The following RASIP1 variants were observed in gnomAD, a reference collection of about 807,000 sequenced individuals.
The protein encoded by RASIP1 is Ras interacting protein 1.
RASIP1 carries 20 observed loss-of-function variants against 85.3 expected under a neutral mutation model. That is an observed-to-expected ratio of 0.23 (90% CI 0.17 to 0.34). The LOEUF (loss-of-function observed/expected upper bound fraction) is 0.34, where lower values mean the gene tolerates loss of function less well. Ranked by LOEUF, RASIP1 falls within the 10% of genes least tolerant of loss-of-function variation. RASIP1 has a pLI of 1.00. For missense variants in RASIP1, 1,170 were observed against 1,390.9 expected (o/e 0.84, Z 2.53); for synonymous variants, 617 against 647.1 (o/e 0.95, Z 0.71).
intron 3 of RASIP1, 151 bp from the exon 4 acceptor site, chr19:48,735,702 G>C (rs371156578): frequency 1.4e-6 from 1 of 735,548 alleles, no homozygotes; most frequent in Non-Finnish European, 2.2e-6. Flanking sequence ...TTCCCTGTGC[G>C]TGGAACACCT....
At chr19:48,737,676 T>G (rs1313810737) in intron 3 of RASIP1, 1 of 985,190 alleles carries the variant, frequency 1.0e-6, no homozygotes, top group African/African-American at 1.7e-5. Context: ...ACATAGGCCC[T>G]GCTCAGTAGC....
intron 11 of RASIP1, among the ~76,000 whole-genome samples, chr19:48,721,475 G>A (rs1456384597): frequency 1.3e-5 from 2 of 152,084 alleles, no homozygotes; most frequent in African/African-American, 2.4e-5. Flanking sequence ...AGAATCTGGG[G>A]TTAGAAGGAG....
In RASIP1 at chr19:48,740,106, A is replaced by C; in HGVS notation, c.137+40T>G. On this transcript the variant is annotated intron_variant, in intron 2 of 11. Transcript: ENST00000222145. The surrounding 1 kb of genome is among the most constrained non-coding windows in gnomAD (Gnocchi z 5.5). ...CAGTGAACAGGGACAGATGGGAAGC[A>C]GGTGTGCAGGGGCAGGAGTCCTGCA... is the stretch of plus-strand genomic sequence containing the variant. The C allele has an allele frequency of 6.6e-7, 1 of 1,522,286 alleles. No individual in the cohort carries two copies. Among genetic ancestry groups the C allele is most frequent in the Admixed American group, 2.3e-5 (1 of 44,404 alleles). The allele number at this position is 1,522,286 out of a possible 1,614,324, so 94.3% of individuals were successfully genotyped here. A position where few individuals can be genotyped will look rare whatever the true frequency, so the allele number is the denominator to read the frequency against.
rs149474093 is a variant in RASIP1, at chr19:48,735,341, T to C, written c.1034A>G (p.Gln345Arg). Residue 345 changes from glutamine (Q) to arginine (R), a missense_variant, in exon 4 of 12, where the codon CAG (glutamine) becomes CGG (arginine). Gln to Arg is a conservative substitution (Grantham distance 43). Around this residue, in one of 4 missense-constraint regions of RASIP1, gnomAD observed 301 missense variants for 294.8 expected, o/e 1.02. Coordinates refer to ENST00000222145, the MANE Select transcript of RASIP1 (RefSeq NM_017805.3). The part of the protein sequence containing the change: ...RRRRQQERRQ[Q>R]ALSMAPGAAD... Reference sequence around the variant, plus strand: ...TGCCCCTGGGGCCATGCTAAGTGCCTGCTGTCTCCGCTCCTGCTGCCGCCG... The same window carrying C: ...TGCCCCTGGGGCCATGCTAAGTGCCCGCTGTCTCCGCTCCTGCTGCCGCCG... 5.8e-5 allele frequency: 94 copies of C among 1,613,386 alleles called. No homozygotes were observed. The highest frequency in any genetic ancestry group is 7.6e-5 in the Non-Finnish European group (90 of 1,179,898).
Position 48,724,953 on chromosome 19 carries a change from TAG to T in RASIP1, c.2133_2134del (p.Tyr712PhefsTer9). On this transcript the variant is annotated frameshift_variant, in exon 9 of 12. Coordinates refer to ENST00000222145, the MANE Select transcript of RASIP1 (RefSeq NM_017805.3). LOFTEE classifies it high-confidence loss of function. This position sits in a 1 kb window ranked among gnomAD's most constrained non-coding sequence, Gnocchi z 4.6. ...ATCCAGGAGAGCAGGCAGCGTTGAATAGAGAGTCTGAGAAAATAGAGAAGTGG... is the reference window on the plus strand; with the variant it reads ...ATCCAGGAGAGCAGGCAGCGTTGAATAGAGTCTGAGAAAATAGAGAAGTGG... 1 of 1,610,770 alleles carries T rather than the reference TAG, an allele frequency of 6.2e-7. No homozygotes were observed.
At position 48,724,947 on chromosome 19, in the gene RASIP1, G is replaced by A. The variant is rs754613166; in HGVS notation, c.2141C>T (p.Thr714Met). 5.6e-6 allele frequency: 9 copies of A among 1,611,638 alleles called. No individual in the cohort carries two copies. Among genetic ancestry groups the A allele is most frequent in the East Asian group, 2.2e-5 (1 of 44,820 alleles). Reference sequence around the variant, plus strand: ...GTTACTATCCAGGAGAGCAGGCAGCGTTGAATAGAGAGTCTGAGAAAATAG... The same window carrying A: ...GTTACTATCCAGGAGAGCAGGCAGCATTGAATAGAGAGTCTGAGAAAATAG... ...VYYLTKTLYS[T>M]LPALLDSNPF... The change falls in exon 9 of 12, where the codon ACG (threonine) becomes ATG (methionine). Residue 714 changes from threonine (T) to methionine (M), a missense_variant. Coordinates refer to ENST00000222145, the MANE Select transcript of RASIP1 (RefSeq NM_017805.3). The surrounding 1 kb of genome is among the most constrained non-coding windows in gnomAD (Gnocchi z 4.6).
chr19:48,738,882 G>T lies in RASIP1; in HGVS notation c.823+78C>A. On this transcript the variant is annotated intron_variant, in intron 3 of 11. Coordinates refer to ENST00000222145, the MANE Select transcript of RASIP1 (RefSeq NM_017805.3). The surrounding 1 kb of genome is among the most constrained non-coding windows in gnomAD (Gnocchi z 4.0). Reference sequence around the variant, plus strand: ...CCCAGCCAGCCCGCGAGTCCCACAAGCCCCGCCCAGGCCCCGCCCCACGGA... The same window carrying T: ...CCCAGCCAGCCCGCGAGTCCCACAATCCCCGCCCAGGCCCCGCCCCACGGA... 23 of 897,164 alleles carry T rather than the reference G, an allele frequency of 2.6e-5. No individual in the cohort carries two copies. Among genetic ancestry groups the T allele is most frequent in the South Asian group, 5.4e-5 (1 of 18,650 alleles). The allele number at this position is 897,164 out of a possible 1,614,324, so 55.6% of individuals were successfully genotyped here.
rs1237474085 is a variant in RASIP1 at position 48,738,981 on chromosome 19, A to G, written c.802T>C (p.Phe268Leu). Reference sequence around the variant, plus strand: ...TCACCTTCGCTGTCCGCGGCCCCGAAGGCCTCCTGCTCCAGGCGCCGCGCC... The same window carrying G: ...TCACCTTCGCTGTCCGCGGCCCCGAGGGCCTCCTGCTCCAGGCGCCGCGCC... ...EEARRLEQEAFGAADSEGTGA... is the reference protein window; with the variant it reads ...EEARRLEQEALGAADSEGTGA... The change falls in exon 3 of 12, where the codon TTC becomes CTC. Residue 268 changes from phenylalanine to leucine, a missense_variant. Transcript: ENST00000222145. This position sits in a 1 kb window ranked among gnomAD's most constrained non-coding sequence, Gnocchi z 4.0. 2.4e-6 allele frequency: 3 copies of G among 1,228,314 alleles called. No homozygotes were observed. In the African/African-American group the frequency reaches 4.8e-5, roughly 20 times the overall value. The allele number at this position is 1,228,314 out of a possible 1,614,324, so 76.1% of individuals were successfully genotyped here. A position where few individuals can be genotyped will look rare whatever the true frequency, so the allele number is the denominator to read the frequency against.
In RASIP1 at chr19:48,724,294, G is replaced by A; in HGVS notation, c.2544+43C>T. ...ATAGAAGGTGGCTGAGGGGGGTTGA[G>A]GAGTCAGAGGTCAGGGGTCAGGTAT... is the stretch of plus-strand genomic sequence containing the variant. On this transcript the variant is annotated intron_variant, in intron 10 of 11. Coordinates refer to ENST00000222145, the MANE Select transcript of RASIP1 (RefSeq NM_017805.3). The surrounding 1 kb of genome is among the most constrained non-coding windows in gnomAD (Gnocchi z 4.6). The A allele has an allele frequency of 1.3e-6, 2 of 1,585,092 alleles. No homozygotes were observed. Among genetic ancestry groups the A allele is most frequent in the Admixed American group, 1.7e-5 (1 of 58,080 alleles).
chr19:48,739,180 G>T lies in RASIP1; in HGVS notation c.603C>A (p.Ala201=). 6.8e-7 allele frequency: 1 copy of T among 1,468,616 alleles called. No individual in the cohort carries two copies. 91.0% of individuals were successfully genotyped at this position (1,468,616 alleles called of 1,614,324 possible). A position where few individuals can be genotyped will look rare whatever the true frequency, so the allele number is the denominator to read the frequency against. ...GGPGESSCVD[A]FALCDALGRP... ...GGCCCAGAGCGTCGCACAAAGCGAA[G>T]GCGTCCACGCAGCTGCTCTCGCCGG... is the stretch of plus-strand genomic sequence containing the variant. The change falls in exon 3 of 12, where the codon GCC becomes GCA. Residue 201 remains alanine, a synonymous_variant. Transcript: ENST00000222145. The surrounding 1 kb of genome is among the most constrained non-coding windows in gnomAD (Gnocchi z 9.2).
Position 48,735,403 on chromosome 19 carries a change from C to T in RASIP1, c.972G>A (p.Arg324=). 6.2e-7 allele frequency: 1 copy of T among 1,612,722 alleles called. No individual in the cohort carries two copies. Among genetic ancestry groups the T allele is most frequent in the Admixed American group, 1.7e-5 (1 of 59,938 alleles). The part of the protein sequence containing the change: ...GKERSENLSL[R]RSVSELSLQG... ...GAAGGCTAAGCTCCGACACGCTGCGCCGCAAAGACAAGTTTTCTGAGCGCT... is the reference window on the plus strand; with the variant it reads ...GAAGGCTAAGCTCCGACACGCTGCGTCGCAAAGACAAGTTTTCTGAGCGCT... The change falls in exon 4 of 12, where the codon CGG becomes CGA. Residue 324 remains arginine, a synonymous_variant. Transcript: ENST00000222145.
In RASIP1 at chr19:48,735,104, C is replaced by T. The variant is rs8107101; in HGVS notation, c.1179+92G>A. On this transcript the variant is annotated intron_variant, in intron 4 of 11. Transcript: ENST00000222145. ...CACTAGAGTACTTGAGGCTAGCGCG[C>T]CCCGGGCCTTCTGGGAGTTGTAGTT... The T allele has an allele frequency of 6.2e-5, 76 of 1,229,500 alleles. No homozygotes were observed. The African/African-American group carries it at 7.1e-4, about 12-fold the overall frequency. The allele number at this position is 1,229,500 out of a possible 1,614,324, so 76.2% of individuals were successfully genotyped here. A position where few individuals can be genotyped will look rare whatever the true frequency, so the allele number is the denominator to read the frequency against.
intron 8 of RASIP1, 39 bp downstream of exon 8, chr19:48,726,746 G>T: frequency 6.9e-7 from 1 of 1,452,516 alleles, no homozygotes; most frequent in Non-Finnish European, 9.5e-7. Flanking sequence ...AACAGGAAGT[G>T]ATGCTATGTC....
At chr19:48,727,304 A>G (rs2033358726) in intron 6 of RASIP1, 89 bp downstream of exon 6, 1 of 1,551,172 alleles carries the variant, frequency 6.4e-7, no homozygotes, top group Non-Finnish European at 8.8e-7. Context: ...AGAAACTTGC[A>G]CTGGGGCATG....
chr19:48,735,300 C>T lies in RASIP1; in HGVS notation c.1075G>A (p.Gly359Arg). The change falls in exon 4 of 12, where the codon GGA (glycine) becomes AGA (arginine). Residue 359 changes from glycine (G) to arginine (R), a missense_variant. By Grantham distance (125) the Gly-to-Arg change is moderately radical. Transcript: ENST00000222145. ...MAPGAADAQIGTADPGDFDQL... is the reference protein window; with the variant it reads ...MAPGAADAQIRTADPGDFDQL... ...TCGAAGTCCCCGGGGTCTGCAGTTCCGATTTGGGCGTCGGCTGCCCCTGGG... is the reference window on the plus strand; with the variant it reads ...TCGAAGTCCCCGGGGTCTGCAGTTCTGATTTGGGCGTCGGCTGCCCCTGGG... 6.2e-7 allele frequency: 1 copy of T among 1,613,978 alleles called. No homozygotes were observed. The highest frequency in any genetic ancestry group is 8.5e-7 in the Non-Finnish European group (1 of 1,179,972).
At position 48,739,137 on chromosome 19, in the gene RASIP1, C is replaced by G; in HGVS notation, c.646G>C (p.Val216Leu). The G allele has an allele frequency of 7.4e-7, 1 of 1,358,470 alleles. No individual in the cohort carries two copies. Among genetic ancestry groups the G allele is most frequent in the South Asian group, 1.8e-5 (1 of 56,484 alleles). The allele number at this position is 1,358,470 out of a possible 1,614,324, so 84.2% of individuals were successfully genotyped here. Residue 216 changes from valine (V) to leucine (L), a missense_variant, in exon 3 of 12, where the codon GTG becomes CTG. Transcript: ENST00000222145. The surrounding 1 kb of genome is among the most constrained non-coding windows in gnomAD (Gnocchi z 9.2). The part of the protein sequence containing the change: ...DALGRPAAAG[V>L]GSGEWRAEHL... ...TCCGCCCGCCACTCGCCGCTTCCCA[C>G]GCCCGCCGCCGCGGGCCGGCCCAGA...
chr19:48,740,221 A>T lies in RASIP1; in HGVS notation c.62T>A (p.Val21Glu). ...CCTGGGGGAATTGATCCACAGGCCC[A>T]CGGGGAGATGAAGCTTCCCGAAGCG... ...SPRFGKLHLP[V>E]GLWINSPRKQ... The change falls in exon 2 of 12, where the codon GTG becomes GAG. Residue 21 changes from valine (V) to glutamate (E), a missense_variant. Transcript: ENST00000222145. The surrounding 1 kb of genome is among the most constrained non-coding windows in gnomAD (Gnocchi z 5.5). 1 of 1,590,358 alleles carries T rather than the reference A, an allele frequency of 6.3e-7. No homozygotes were observed. The highest frequency in any genetic ancestry group is 8.5e-7 in the Non-Finnish European group (1 of 1,171,948).
Position 48,728,936 on chromosome 19 carries a change from C to A in RASIP1, c.1833+1G>T. 1 of 1,444,598 alleles carries A rather than the reference C, an allele frequency of 6.9e-7. No homozygotes were observed. Among genetic ancestry groups the A allele is most frequent in the Non-Finnish European group, 9.0e-7 (1 of 1,109,574 alleles). The allele number at this position is 1,444,598 out of a possible 1,614,324, so 89.5% of individuals were successfully genotyped here. ...CTGGACGGCGATTGGGGGGCGCTCA[C>A]CCAGACGGCCTCCTTGATGAGCCGG... is the stretch of plus-strand genomic sequence containing the variant. On this transcript the variant is annotated splice_donor_variant, in intron 5 of 11. Coordinates refer to ENST00000222145, the MANE Select transcript of RASIP1 (RefSeq NM_017805.3). LOFTEE classifies it high-confidence loss of function.
chr19:48,733,341 A>G (rs2033497327), intron 4 of RASIP1, among the ~76,000 whole-genome samples: 1 of 152,148 alleles, frequency 6.6e-6, no homozygotes, highest in African/African-American at 2.4e-5. Flanking sequence ...TTACATTTCT[A>G]TTAGTGCAGT....
Sources: gnomAD v4.1 joint callset for allele counts (sites outside exome capture counted in the v4.1 genomes callset) on GRCh38, gnomAD v4.1.1 for gene constraint, gnomAD v4.1.1 regional missense constraint, Gnocchi (gnomAD v3.1) non-coding constraint, MANE v1.5 for transcripts, NCBI Gene and HGNC (gene_info 2026-07-23, HGNC 2026-07-21) for gene names.